The following RSF1 variants were observed in gnomAD, a reference collection of about 807,000 sequenced individuals.
The protein encoded by RSF1 is HBV pX-associated protein 8.
In RSF1, 13 loss-of-function variants were observed where a neutral mutation model predicts 145.2. The ratio of observed to expected loss-of-function variants is 0.09; its 90% confidence interval spans 0.06 to 0.14. The LOEUF (loss-of-function observed/expected upper bound fraction) is 0.14, where lower values mean the gene tolerates loss of function less well. Ranked by LOEUF, RSF1 falls within the 10% of genes least tolerant of loss-of-function variation. RSF1 has a pLI of 1.00. For missense variants in RSF1, 1,517 were observed against 1,718.2 expected, an observed-to-expected ratio of 0.88 and a Z score of 2.07; for synonymous variants, 577 against 592.6, an observed-to-expected ratio of 0.97 and a Z score of 0.38.
At chr11:77,672,756 C>T (rs976032094) in intron 14 of RSF1, among the ~76,000 whole-genome samples, 70 of 152,160 alleles carry the variant, frequency 4.6e-4, no homozygotes, top group African/African-American at 1.7e-3. Context: ...GATCTTGGCT[C>T]ACTGCAAACT....
intron 1 of RSF1, among the ~76,000 whole-genome samples, chr11:77,768,390 T>G (rs1948248302): frequency 6.6e-6 from 1 of 152,146 alleles, no homozygotes; most frequent in Non-Finnish European, 1.5e-5. Context: ...CTCGAACTCC[T>G]GACCTCATGA....
chr11:77,784,134 C>T (rs1948431646), intron 1 of RSF1, among the ~76,000 whole-genome samples: 1 of 152,180 alleles, frequency 6.6e-6, no homozygotes, highest in African/African-American at 2.4e-5. Flanking sequence ...CTCAAATACA[C>T]TTTATGGAGG....
chr11:77,844,197 G>A, the RSF1 span, among the ~76,000 whole-genome samples: 1 of 152,088 alleles, frequency 6.6e-6, no homozygotes, highest in Non-Finnish European at 1.5e-5. Flanking sequence ...CTTCTTATAA[G>A]GGCACTAATC....
At chr11:77,713,344 C>T (rs552118725) in intron 5 of RSF1, among the ~76,000 whole-genome samples, 2 of 152,074 alleles carry the variant, frequency 1.3e-5, no homozygotes, top group Admixed American at 6.5e-5. Context: ...ACATTTTCTC[C>T]CCCCGAGAGT....
At chr11:77,695,907 T>C (rs891746984) in intron 7 of RSF1, among the ~76,000 whole-genome samples, 1 of 152,234 alleles carries the variant, frequency 6.6e-6, no homozygotes, top group Non-Finnish European at 1.5e-5. Context: ...GGGTTCATCA[T>C]GGCTCCTATT....
the RSF1 span, among the ~76,000 whole-genome samples, chr11:77,832,553 G>A: frequency 4.6e-5 from 7 of 151,834 alleles, no homozygotes; most frequent in South Asian, 1.3e-3. Context: ...CTGAAACTCC[G>A]GACCTCAGGT....
intron 5 of RSF1, among the ~76,000 whole-genome samples, chr11:77,719,134 C>A (rs114641909): frequency 1.3e-5 from 2 of 151,940 alleles, no homozygotes; most frequent in South Asian, 2.1e-4. Flanking sequence ...GTAGTCCCAG[C>A]GAGGCAGGAG....
rs1479241275 is a variant in RSF1 at position 77,671,914 on chromosome 11, G to A, written c.3751+128C>T. 6 of 829,858 alleles carry A rather than the reference G, an allele frequency of 7.2e-6. No homozygotes were observed. The East Asian group carries it at 1.1e-4, about 15-fold the overall frequency. The allele number at this position is 829,858 out of a possible 1,614,324, so 51.4% of individuals were successfully genotyped here. On this transcript the variant is annotated intron_variant, in intron 15 of 15. Transcript: ENST00000308488. ...CTCCCAAACTGCCGGGATTACAGGC[G>A]TGAGCCACCATGCCTGGCCTGGTTA...
At chr11:77,869,763 T>C in the RSF1 span, 1 of 1,613,962 alleles carries the variant, frequency 6.2e-7, no homozygotes, top group South Asian at 1.1e-5. Context: ...AGGAAGTTGT[T>C]GAGAAGGGTG....
At chr11:77,770,456 A>AAAAACAAAAC (rs768438932) in intron 1 of RSF1, among the ~76,000 whole-genome samples, 1 of 152,238 alleles carries the variant, frequency 6.6e-6, no homozygotes, top group Non-Finnish European at 1.5e-5. Context: ...CTCCGTCTCA[A>AAAAACAAAAC]AAAACAAAAC....
chr11:77,729,455 T>C (rs1961142099), intron 4 of RSF1, among the ~76,000 whole-genome samples: 1 of 151,762 alleles, frequency 6.6e-6, no homozygotes, highest in African/African-American at 2.4e-5. Flanking sequence ...ATCCTAACCA[T>C]TATTATTGTG....
At chr11:77,810,477 C>A (rs558267923) in intron 1 of RSF1, among the ~76,000 whole-genome samples, 9 of 152,308 alleles carry the variant, frequency 5.9e-5, no homozygotes, top group African/African-American at 2.2e-4. Context: ...TAGATCAATA[C>A]TGGGGAGACT....
chr11:77,737,323 C>G (rs144891484), intron 4 of RSF1, among the ~76,000 whole-genome samples: 1,721 of 152,104 alleles, frequency 0.011, 27 homozygotes, highest in African/African-American at 0.04. Context: ...TGGTTCACAC[C>G]TGTAATCCCA....
intron 1 of RSF1, among the ~76,000 whole-genome samples, chr11:77,792,813 T>C (rs1362011591): frequency 6.6e-6 from 1 of 150,822 alleles, no homozygotes; most frequent in Admixed American, 6.6e-5. Context: ...AATCTTTCCC[T>C]GACAAGCAAA....
intron 4 of RSF1, among the ~76,000 whole-genome samples, 194 bp from the exon 5 acceptor site, chr11:77,725,893 C>T (rs929249032): frequency 6.6e-6 from 1 of 152,150 alleles, no homozygotes; most frequent in Non-Finnish European, 1.5e-5. Context: ...TACTGTTCTT[C>T]AGAGAAGAAT....
intron 4 of RSF1, among the ~76,000 whole-genome samples, chr11:77,730,120 A>G (rs1315889107): frequency 6.6e-6 from 1 of 152,126 alleles, no homozygotes; most frequent in Non-Finnish European, 1.5e-5. Flanking sequence ...TTTATGACTG[A>G]GGAAACTGAG....
intron 2 of RSF1, among the ~76,000 whole-genome samples, chr11:77,751,284 A>G (rs984952783): frequency 2.0e-5 from 3 of 152,200 alleles, no homozygotes; most frequent in Non-Finnish European, 4.4e-5. Flanking sequence ...CTCATAAGAA[A>G]TTTAAAAAGA....
chr11:77,814,082 C>G (rs1308745103), intron 1 of RSF1, among the ~76,000 whole-genome samples: 1 of 151,686 alleles, frequency 6.6e-6, no homozygotes, highest in African/African-American at 2.4e-5. Flanking sequence ...TGCCTGTAAT[C>G]CCAGTTACTT....
chr11:77,813,560 G>A (rs1948750860), intron 1 of RSF1: 10 of 704,538 alleles, frequency 1.4e-5, no homozygotes, highest in Non-Finnish European at 1.8e-5. Flanking sequence ...CTCCTCTGAT[G>A]AAGTCAGCAC....
Sources: allele counts gnomAD v4.1 joint callset (sites outside exome capture counted in the v4.1 genomes callset), GRCh38; gene constraint gnomAD v4.1.1; transcripts MANE v1.5; gene names NCBI Gene and HGNC (gene_info 2026-07-23, HGNC 2026-07-21).